PER3: variants seen among roughly 807,000 people sequenced by gnomAD.
PER3 encodes the protein period circadian protein homolog 3.
In PER3, 107 loss-of-function variants were observed where a neutral mutation model predicts 127.2. The ratio of observed to expected loss-of-function variants is 0.84; its 90% CI spans 0.72 to 0.99. PER3 has a LOEUF of 0.99. PER3 is among the 50% of genes least tolerant of loss of function. The pLI, the probability that PER3 is intolerant of heterozygous loss-of-function variation, is 0.00. For missense variants in PER3, 1,560 were observed against 1,525.8 expected (o/e 1.02, Z -0.37); for synonymous variants, 618 against 585.8 (o/e 1.05, Z -0.79).
intron 15 of PER3, 31 bp downstream of exon 15, chr1:7,820,270 A>T (rs1393729832): frequency 6.3e-7 from 1 of 1,598,352 alleles, no homozygotes; most frequent in Non-Finnish European, 8.5e-7. Context: ...AGTTAAATTC[A>T]AAGAACTGTA....
At chr1:7,811,168 A>T (rs964445181) in intron 13 of PER3, among the ~76,000 whole-genome samples, 1 of 152,184 alleles carries the variant, frequency 6.6e-6, no homozygotes, top group Non-Finnish European at 1.5e-5. Flanking sequence ...ATCAAATTAG[A>T]TTGACATTTA....
At chr1:7,806,587 A>G (rs1228918153) in intron 10 of PER3, among the ~76,000 whole-genome samples, 1 of 151,924 alleles carries the variant, frequency 6.6e-6, no homozygotes, top group African/African-American at 2.4e-5. Context: ...CAGGAGTTCA[A>G]GACTGGCCTG....
At chr1:7,786,641 T>C (rs1558373803) in intron 3 of PER3, 80 bp from the exon 4 acceptor site, 3 of 755,064 alleles carry the variant, frequency 4.0e-6, no homozygotes, top group Non-Finnish European at 7.1e-6. Context: ...AAAAAAATAA[T>C]CCAGCTTGAT....
chr1:7,786,791 T>A lies in PER3; in HGVS notation c.345T>A (p.Leu115=). ...APQADVSMYS[L]EELATIASEH... ...AGGCAGATGTGAGCATGTACAGTCT[T>A]GAGGAGCTGGCCACTATCGCTTCAG... The change falls in exon 4 of 22, where the codon CTT becomes CTA. Residue 115 remains leucine (L), a synonymous_variant. Coordinates refer to ENST00000377532, the MANE Select transcript of PER3 (RefSeq NM_001377275.1). The A allele has an allele frequency of 6.2e-7, 1 of 1,611,888 alleles. No homozygotes were observed. The highest frequency in any genetic ancestry group is 1.1e-5 in the South Asian group (1 of 91,020).
intron 8 of PER3, among the ~76,000 whole-genome samples, chr1:7,802,172 A>T (rs2097173397): frequency 6.6e-6 from 1 of 152,170 alleles, no homozygotes; most frequent in Non-Finnish European, 1.5e-5. Flanking sequence ...TAGTCTTACC[A>T]TCGTAAGTTT....
At chr1:7,789,727 A>C (rs1049616601) in intron 5 of PER3, among the ~76,000 whole-genome samples, 1 of 152,200 alleles carries the variant, frequency 6.6e-6, no homozygotes. Flanking sequence ...TACTATTTCT[A>C]ATTTTTTACC....
Position 7,808,232 on chromosome 1 carries a change from CAAAAAAAAAA to C in PER3, c.1137-643_1137-634del, listed in dbSNP as rs60220289. On this transcript the variant is annotated intron_variant, in intron 10 of 21. Coordinates refer to ENST00000377532, the MANE Select transcript of PER3 (RefSeq NM_001377275.1). ...TGGGTGACAGAGCAAGACTCTGTCT[CAAAAAAAAAA>C]AAAAAAAAAAAAAAAAACTAGTATA... Among the ~76,000 whole-genome samples the C allele has an allele frequency of 3.7e-3, 359 of 97,748 alleles. 4 individuals carry two copies. Among genetic ancestry groups the C allele is most frequent in the Non-Finnish European group, 6.3e-3 (292 of 46,532 alleles). 64.1% of individuals were successfully genotyped at this position (97,748 alleles called of 152,430 possible).
chr1:7,828,097 C>T (rs1311921126), intron 18 of PER3, among the ~76,000 whole-genome samples: 1 of 152,196 alleles, frequency 6.6e-6, no homozygotes, highest in Non-Finnish European at 1.5e-5. Flanking sequence ...TGGATTCCCT[C>T]TACTCTTTAA....
At position 7,827,345 on chromosome 1, in the gene PER3, C is replaced by G. The variant is rs527877579; in HGVS notation, c.2416C>G (p.Leu806Val). The change falls in exon 18 of 22, where the codon CTC becomes GTC. Residue 806 changes from leucine (L) to valine (V), a missense_variant. By Grantham distance (32) the Leu-to-Val change is conservative (BLOSUM62 1). Coordinates refer to ENST00000377532, the MANE Select transcript of PER3 (RefSeq NM_001377275.1). ...AAMVPSQAPY[L>V]VPAFPLPAAT... ...CATGGTGCCCAGCCAGGCCCCTTAC[C>G]TCGTCCCAGCTTTTCCCCTCCCAGC... The G allele has an allele frequency of 6.2e-7, 1 of 1,614,070 alleles. No individual in the cohort carries two copies. Among genetic ancestry groups the G allele is most frequent in the South Asian group, 1.1e-5 (1 of 91,078 alleles).
chr1:7,788,630 A>G, intron 5 of PER3: 1 of 203,774 alleles, frequency 4.9e-6, no homozygotes, highest in Non-Finnish European at 1.0e-5. Context: ...TAGGCTGGGC[A>G]AGGTGGCTCA....
Position 7,827,514 on chromosome 1 carries a change from AC to A in PER3, c.2591del (p.Pro864LeufsTer32), listed in dbSNP as rs752424798. The A allele has an allele frequency of 1.9e-6, 3 of 1,612,126 alleles. No homozygotes were observed. Among genetic ancestry groups the A allele is most frequent in the South Asian group, 1.1e-5 (1 of 90,946 alleles). Reference protein sequence around the residue: ...LDTFMTVFLPDPPVCPLLSPS... With the variant: ...LDTFMTVFLPXPPVCPLLSPS... Reference sequence around the variant, plus strand: ...ACTTTTATGACCGTTTTCCTGCCTGACCCCCCTGTCTGTCCTCTGTTGTCGC... The same window carrying A: ...ACTTTTATGACCGTTTTCCTGCCTGACCCCCTGTCTGTCCTCTGTTGTCGC... On this transcript the variant is annotated frameshift_variant, in exon 18 of 22. Coordinates refer to ENST00000377532, the MANE Select transcript of PER3 (RefSeq NM_001377275.1). LOFTEE classifies it high-confidence loss of function.
intron 10 of PER3, among the ~76,000 whole-genome samples, chr1:7,806,851 C>A (rs1577753696): frequency 7.1e-6 from 1 of 140,430 alleles, no homozygotes; most frequent in Non-Finnish European, 1.5e-5. Context: ...TACACACACA[C>A]ACATACATAC....
chr1:7,813,437 G>A (rs550533688), intron 13 of PER3, among the ~76,000 whole-genome samples: 1 of 152,280 alleles, frequency 6.6e-6, no homozygotes, highest in South Asian at 2.1e-4. Context: ...AAAATCTAAG[G>A]AGAGAAACAT....
At chr1:7,816,383 T>C (rs1425393993) in intron 13 of PER3, among the ~76,000 whole-genome samples, 1 of 152,106 alleles carries the variant, frequency 6.6e-6, no homozygotes, top group Non-Finnish European at 1.5e-5. Flanking sequence ...ACTATGGCCA[T>C]ACCACCCTGA....
At chr1:7,788,606 A>G (rs760057696) in intron 5 of PER3, 1 of 207,416 alleles carries the variant, frequency 4.8e-6, no homozygotes, top group Non-Finnish European at 9.9e-6. Context: ...CTTTGGAGAT[A>G]AAATTTGGAT....
At chr1:7,818,782 T>G (rs1308285795) in intron 13 of PER3, among the ~76,000 whole-genome samples, 2 of 152,252 alleles carry the variant, frequency 1.3e-5, no homozygotes, top group Admixed American at 6.5e-5. Flanking sequence ...CGTTAGCACA[T>G]ATAATACTAG....
chr1:7,806,097 C>A (rs987033401), intron 10 of PER3, among the ~76,000 whole-genome samples: 3 of 152,108 alleles, frequency 2.0e-5, no homozygotes, highest in Non-Finnish European at 4.4e-5. Context: ...GAAACCCACA[C>A]TGTAATGGGA....
chr1:7,840,261 ATTGT>A (rs1252315147), intron 21 of PER3, among the ~76,000 whole-genome samples: 1 of 151,138 alleles, frequency 6.6e-6, no homozygotes, highest in Non-Finnish European at 1.5e-5. Context: ...TGATATTTAC[ATTGT>A]TTGTACATTG....
intron 4 of PER3, 76 bp from the exon 5 acceptor site, chr1:7,787,969 A>C: frequency 9.3e-7 from 1 of 1,075,834 alleles, no homozygotes; most frequent in Non-Finnish European, 1.4e-6. Context: ...TTAGAGATCC[A>C]GAAGAAATTT....
Sources: gnomAD v4.1 joint callset for allele counts (sites outside exome capture counted in the v4.1 genomes callset) on GRCh38, gnomAD v4.1.1 for gene constraint, MANE v1.5 for transcripts, NCBI Gene and HGNC (gene_info 2026-07-23, HGNC 2026-07-21) for gene names.